Variants in SLAMF9 observed in about 807,000 individuals in gnomAD.
The protein encoded by SLAMF9 is SLAM family member 9.
A neutral mutation model predicts 30.4 loss-of-function variants in SLAMF9; 25 were observed. The ratio of observed to expected loss-of-function variants is 0.82; its 90% CI spans 0.60 to 1.15. SLAMF9 has a LOEUF of 1.15. SLAMF9 is among the 50% of genes most tolerant of loss of function. The pLI is 0.00. For missense variants in SLAMF9, 344 were observed against 346.1 expected (o/e 0.99, Z 0.05); for synonymous variants, 129 against 127.2 (o/e 1.01, Z -0.09).
the SLAMF9 span, chr1:159,974,121 C>T: frequency 7.8e-7 from 1 of 1,280,192 alleles, no homozygotes; most frequent in Non-Finnish European, 1.1e-6. Context: ...AGTCACTTCT[C>T]TCCCTCTGTC....
At chr1:159,960,260 G>T in the SLAMF9 span, among the ~76,000 whole-genome samples, 13 of 147,932 alleles carry the variant, frequency 8.8e-5, no homozygotes, top group African/African-American at 3.3e-4. Context: ...GTGAGAACAG[G>T]CGGTGTTTGG....
the SLAMF9 span, among the ~76,000 whole-genome samples, chr1:159,969,032 A>T: frequency 9.7e-6 from 1 of 103,054 alleles, no homozygotes; most frequent in Non-Finnish European, 2.3e-5. Flanking sequence ...ACAAAGCGAG[A>T]CTCCATCTCA....
At chr1:159,974,286 C>T in the SLAMF9 span, among the ~76,000 whole-genome samples, 1 of 152,204 alleles carries the variant, frequency 6.6e-6, no homozygotes, top group African/African-American at 2.4e-5. Flanking sequence ...CTCTTCTCTT[C>T]CCATCTGCCT....
At chr1:159,977,607 A>C in the SLAMF9 span, among the ~76,000 whole-genome samples, 10 of 152,334 alleles carry the variant, frequency 6.6e-5, no homozygotes, top group African/African-American at 2.4e-4. Context: ...TGTAAATGGA[A>C]GAAAATGACC....
chr1:159,980,886 C>T, the SLAMF9 span, among the ~76,000 whole-genome samples: 1 of 152,350 alleles, frequency 6.6e-6, no homozygotes, highest in East Asian at 1.9e-4. Flanking sequence ...TCTTCCATCA[C>T]TCTCTGCATG....
the SLAMF9 span, among the ~76,000 whole-genome samples, chr1:159,969,965 G>A: frequency 5.9e-5 from 9 of 152,252 alleles, no homozygotes; most frequent in South Asian, 2.1e-4. Context: ...TGGGAGGATC[G>A]CTTGAGCCCG....
the SLAMF9 span, among the ~76,000 whole-genome samples, chr1:159,966,620 A>G: frequency 6.6e-6 from 1 of 152,170 alleles, no homozygotes; most frequent in African/African-American, 2.4e-5. Flanking sequence ...GTCTTCATCA[A>G]CACATGTTAT....
At position 159,954,174 on chromosome 1, in the gene SLAMF9, A is replaced by G. The variant is rs1412880967; in HGVS notation, c.-37T>C. The G allele has an allele frequency of 1.2e-6, 2 of 1,613,454 alleles. No homozygotes were observed. Among genetic ancestry groups the G allele is most frequent in the Non-Finnish European group, 1.7e-6 (2 of 1,179,592 alleles). On this transcript the variant is annotated 5_prime_UTR_variant, in exon 1 of 4. Transcript: ENST00000368093. ...CCAGCCCCAGAGGTGTGATTCAGTC[A>G]GTCAGTCCCCAGGACTGTGCAGAAG...
chr1:159,961,055 G>A, the SLAMF9 span, among the ~76,000 whole-genome samples: 5 of 152,038 alleles, frequency 3.3e-5, no homozygotes, highest in African/African-American at 4.8e-5. Flanking sequence ...CCAGAAAGAC[G>A]TCCTCCACCC....
At chr1:159,960,947 G>A in the SLAMF9 span, among the ~76,000 whole-genome samples, 1 of 152,172 alleles carries the variant, frequency 6.6e-6, no homozygotes, top group Non-Finnish European at 1.5e-5. Context: ...TTGGGCCCCA[G>A]TTGTCCACAA....
chr1:159,952,272 G>C lies in SLAMF9; in HGVS notation c.654C>G (p.Pro218=). 6.2e-7 allele frequency: 1 copy of C among 1,614,012 alleles called. No individual in the cohort carries two copies. The highest frequency in any genetic ancestry group is 8.5e-7 in the Non-Finnish European group (1 of 1,179,974). ...CAGGGGTTCTGGTACCTGCATAGAA[G>C]GGCCCATCAGGGATGGGGCAAGAAC... is the stretch of plus-strand genomic sequence containing the variant. ...NVSSCPIPDG[P]FYADPNYASE... The change falls in exon 3 of 4, where the codon CCC becomes CCG. Residue 218 remains proline (P), a synonymous_variant. Coordinates refer to ENST00000368093, the MANE Select transcript of SLAMF9 (RefSeq NM_033438.4).
upstream of SLAMF9, chr1:159,954,288 C>T (rs999650914): frequency 1.6e-5 from 12 of 729,926 alleles, no homozygotes; most frequent in South Asian, 3.9e-5. Context: ...AGCCCTCTGA[C>T]GTCCTCTGTC....
At chr1:159,958,298 T>G (rs1320799662), upstream of SLAMF9, among the ~76,000 whole-genome samples, 1 of 152,168 alleles carries the variant, frequency 6.6e-6, no homozygotes, top group Admixed American at 6.5e-5. Flanking sequence ...AGAAGGTAAC[T>G]GTTCAGATTT....
chr1:159,956,890 CG>C (rs543299290), upstream of SLAMF9, among the ~76,000 whole-genome samples: 1 of 151,498 alleles, frequency 6.6e-6, no homozygotes, highest in Non-Finnish European at 1.5e-5. Context: ...GAGGCCGAGG[CG>C]GGGGGATCAC....
upstream of SLAMF9, among the ~76,000 whole-genome samples, chr1:159,954,732 T>A (rs2101891971): frequency 6.6e-6 from 1 of 152,298 alleles, no homozygotes; most frequent in East Asian, 1.9e-4. Flanking sequence ...CTAGTTATGT[T>A]CCCACCTGAG....
At chr1:159,973,262 T>C in the SLAMF9 span, 1 of 809,790 alleles carries the variant, frequency 1.2e-6, no homozygotes, top group Non-Finnish European at 2.1e-6. Context: ...CGACACTCAG[T>C]ACAGGAGGTG....
chr1:159,953,245 C>G, intron 2 of SLAMF9, 64 bp downstream of exon 2: 1 of 1,393,886 alleles, frequency 7.2e-7, no homozygotes, highest in Non-Finnish European at 9.9e-7. Flanking sequence ...GACGCCCACT[C>G]CATGGTGTGA....
chr1:159,972,076 T>C, the SLAMF9 span, among the ~76,000 whole-genome samples: 1 of 152,030 alleles, frequency 6.6e-6, no homozygotes, highest in African/African-American at 2.4e-5. Context: ...GGAGGGTGCC[T>C]AGAGAGCTTG....
Position 159,951,602 on chromosome 1 carries a change from A to G in SLAMF9, c.*59T>C. 1 of 1,526,978 alleles carries G rather than the reference A, an allele frequency of 6.5e-7. No homozygotes were observed. The highest frequency in any genetic ancestry group is 2.2e-5 in the East Asian group (1 of 44,466). The allele number at this position is 1,526,978 out of a possible 1,614,324, so 94.6% of individuals were successfully genotyped here. A position where few individuals can be genotyped will look rare whatever the true frequency, so the allele number is the denominator to read the frequency against. The stretch of plus-strand genomic sequence containing the variant: ...TCCCCTGGAAAGAAGAGAGCTGAGG[A>G]AGGATTCTCTGGGTGCTGGGAAGAA... On this transcript the variant is annotated 3_prime_UTR_variant, in exon 4 of 4. Transcript: ENST00000368093.
Sources: allele counts gnomAD v4.1 joint callset (sites outside exome capture counted in the v4.1 genomes callset), GRCh38; gene constraint gnomAD v4.1.1; transcripts MANE v1.5; gene names NCBI Gene and HGNC (gene_info 2026-07-23, HGNC 2026-07-21).